The following MGAT5 variants were observed in gnomAD, a reference collection of about 807,000 sequenced individuals.
The protein encoded by MGAT5 is alpha-1,6-mannosylglycoprotein 6-beta-N-acetylglucosaminyltransferase A.
A neutral mutation model predicts 94.3 loss-of-function variants in MGAT5; 30 were observed. That is an observed-to-expected ratio of 0.32 (90% CI 0.24 to 0.43). The LOEUF (loss-of-function observed/expected upper bound fraction) is 0.43, where lower values mean the gene tolerates loss of function less well. Ranked by LOEUF, MGAT5 falls within the 20% of genes least tolerant of loss-of-function variation. The pLI is 1.00. For synonymous variants in MGAT5, 310 were observed against 322.9 expected (o/e 0.96, Z 0.43); for missense variants, 691 against 905.5 (o/e 0.76, Z 3.04).
At chr2:134,342,585 G>A (rs1573864518) in intron 7 of MGAT5, among the ~76,000 whole-genome samples, 1 of 151,950 alleles carries the variant, frequency 6.6e-6, no homozygotes, top group African/African-American at 2.4e-5. Context: ...GACCCTGTCT[G>A]TACTAAAAAT....
At chr2:134,149,328 T>C (rs1687068655) in intron 1 of MGAT5, among the ~76,000 whole-genome samples, 1 of 152,134 alleles carries the variant, frequency 6.6e-6, no homozygotes, top group African/African-American at 2.4e-5. Flanking sequence ...TTATCCTCCA[T>C]GTGGATTCTA....
intron 1 of MGAT5, among the ~76,000 whole-genome samples, chr2:134,246,712 C>T (rs534492012): frequency 6.6e-6 from 1 of 152,312 alleles, no homozygotes; most frequent in Admixed American, 6.5e-5. Flanking sequence ...TTTCCGCATG[C>T]AGCTGGTAGA....
chr2:134,381,045 C>A (rs574304716), intron 10 of MGAT5, among the ~76,000 whole-genome samples: 194 of 152,156 alleles, frequency 1.3e-3, no homozygotes, highest in African/African-American at 4.3e-3. Flanking sequence ...TACCTCCCCC[C>A]ATCCCAAATT....
chr2:134,183,763 CCTT>C (rs761981382), intron 1 of MGAT5, among the ~76,000 whole-genome samples: 36 of 152,298 alleles, frequency 2.4e-4, no homozygotes, highest in Non-Finnish European at 4.7e-4. Context: ...TTTGTATTCT[CCTT>C]CTTGGATCTG....
intron 11 of MGAT5, among the ~76,000 whole-genome samples, chr2:134,406,571 TG>T (rs1683347728): frequency 6.6e-6 from 1 of 152,202 alleles, no homozygotes; most frequent in Non-Finnish European, 1.5e-5. Context: ...TTACTGAGCT[TG>T]GATGTGCTCA....
intron 4 of MGAT5, among the ~76,000 whole-genome samples, chr2:134,324,665 CTAATT>C (rs1365429555): frequency 6.6e-6 from 1 of 152,058 alleles, no homozygotes; most frequent in Non-Finnish European, 1.5e-5. Context: ...GTTGCACAGA[CTAATT>C]TGTCAAAGTG....
rs1687142996 is a variant in MGAT5 at position 134,318,631 on chromosome 2, G to A, written c.484-19G>A. The A allele has an allele frequency of 1.9e-6, 3 of 1,600,434 alleles. No homozygotes were observed. The highest frequency in any genetic ancestry group is 2.7e-5 in the African/African-American group (2 of 74,632). Reference sequence around the variant, plus strand: ...AGGGCCTGTGAATGGGCTGCTCAGAGATGTTCTTCTTGTTTCAGTGGATGA... The same window carrying A: ...AGGGCCTGTGAATGGGCTGCTCAGAAATGTTCTTCTTGTTTCAGTGGATGA... On this transcript the variant is annotated intron_variant, in intron 3 of 15. Transcript: ENST00000281923.
intron 1 of MGAT5, among the ~76,000 whole-genome samples, chr2:134,190,010 AT>A (rs1689288848): frequency 6.6e-6 from 1 of 152,134 alleles, no homozygotes; most frequent in African/African-American, 2.4e-5. Context: ...GCTTTTCTGA[AT>A]TTGAGTCTTT....
At chr2:134,144,470 CT>C (rs1400739512) in intron 1 of MGAT5, among the ~76,000 whole-genome samples, 1 of 152,148 alleles carries the variant, frequency 6.6e-6, no homozygotes, top group African/African-American at 2.4e-5. Flanking sequence ...CTCCGCCCCC[CT>C]GATCCAATTA....
intron 1 of MGAT5, among the ~76,000 whole-genome samples, chr2:134,193,409 C>T (rs912200280): frequency 1.3e-5 from 2 of 152,152 alleles, no homozygotes; most frequent in African/African-American, 4.8e-5. Context: ...GTACCACATC[C>T]AGCTGTTACA....
intron 10 of MGAT5, among the ~76,000 whole-genome samples, chr2:134,400,277 A>G (rs1574017770): frequency 6.6e-6 from 1 of 152,334 alleles, no homozygotes; most frequent in South Asian, 2.1e-4. Context: ...TACAAGTGGT[A>G]ACAAGAGACC....
intron 2 of MGAT5, among the ~76,000 whole-genome samples, chr2:134,304,516 A>G (rs1179052263): frequency 1.3e-5 from 2 of 152,192 alleles, no homozygotes; most frequent in South Asian, 2.1e-4. Flanking sequence ...ACTGGGAATA[A>G]CCTGCATTCA....
chr2:134,236,463 T>C lies in MGAT5; in HGVS notation c.-142-17799T>C, dbSNP rs537047058. 5.3e-5 allele frequency among the ~76,000 whole-genome samples: 8 copies of C among 152,276 alleles called. No homozygotes were observed. In the South Asian group the frequency reaches 1.5e-3, roughly 28 times the overall value. On this transcript the variant is annotated intron_variant, in intron 1 of 16. Coordinates refer to the MGAT5 transcript ENST00000409645. The stretch of plus-strand genomic sequence containing the variant: ...TCCACATGTGTCGTGGGAGGTAATT[T>C]AATCACAGAGACGGTTACCCTTATG...
chr2:134,281,659 C>T (rs1043831159), intron 2 of MGAT5, among the ~76,000 whole-genome samples: 1 of 152,184 alleles, frequency 6.6e-6, no homozygotes, highest in Non-Finnish European at 1.5e-5. Context: ...CTACTTGTCA[C>T]AGCAAACTTA....
intron 10 of MGAT5, among the ~76,000 whole-genome samples, chr2:134,392,547 G>GT (rs951427501): frequency 6.6e-6 from 1 of 152,132 alleles, no homozygotes; most frequent in Non-Finnish European, 1.5e-5. Flanking sequence ...AGCTTGGTGG[G>GT]AGCAGGGGAA....
rs1370669552 is a variant in MGAT5, at chr2:134,259,116, T to C, written c.241+4472T>C. ...CGGGCAGCCCGTGTGGAACATTCAG[T>C]GCGTTTGTTCTTGGAGTGTGGAGGG... On this transcript the variant is annotated intron_variant, in intron 1 of 15. Coordinates refer to ENST00000281923, the MANE Select transcript of MGAT5 (RefSeq NM_002410.5). Among the ~76,000 whole-genome samples, 3 of 152,218 alleles carry C rather than the reference T, an allele frequency of 2.0e-5. 1 individual carries two copies. The Middle Eastern group carries it at 9.5e-3, about 482-fold the overall frequency.
intron 10 of MGAT5, among the ~76,000 whole-genome samples, chr2:134,381,400 AGAT>A (rs1681585674): frequency 2.1e-4 from 17 of 79,424 alleles, no homozygotes; most frequent in African/African-American, 6.6e-4. Flanking sequence ...ATAGATAGAT[AGAT>A]AGATAGATAG....
At chr2:134,205,609 A>C (rs57267595) in intron 1 of MGAT5, among the ~76,000 whole-genome samples, 3,378 of 152,226 alleles carry the variant, frequency 0.022, 135 homozygotes, top group African/African-American at 0.076. Context: ...CTAAACACTG[A>C]AGTGGAGCTC....
At chr2:134,345,655 A>G (rs1312861357) in intron 8 of MGAT5, among the ~76,000 whole-genome samples, 1 of 152,192 alleles carries the variant, frequency 6.6e-6, no homozygotes, top group African/African-American at 2.4e-5. Flanking sequence ...CCTGGTATAC[A>G]AACATGGCAC....
Sources: allele counts gnomAD v4.1 joint callset (sites outside exome capture counted in the v4.1 genomes callset), GRCh38; gene constraint gnomAD v4.1.1; transcripts MANE v1.5; gene names NCBI Gene and HGNC (gene_info 2026-07-23, HGNC 2026-07-21).